Variants in KLF17 observed in about 807,000 individuals in gnomAD.
KLF17 encodes KLF transcription factor 17.
In KLF17, 31 loss-of-function variants were observed where a neutral mutation model predicts 34.2. The ratio of observed to expected loss-of-function variants is 0.91; its 90% CI spans 0.68 to 1.22. The LOEUF is 1.22. Among genes scored for constraint, KLF17 ranks in the 50% most tolerant of loss-of-function variants. The pLI is 0.00. For synonymous variants in KLF17, 179 were observed against 186.7 expected (o/e 0.96, Z 0.34); for missense variants, 478 against 505.2 (o/e 0.95, Z 0.52).
At position 44,118,969 on chromosome 1, in the gene KLF17, C is replaced by G; in HGVS notation, c.62C>G (p.Ala21Gly). The change falls in exon 1 of 4, where the codon GCG (alanine) becomes GGG (glycine). Residue 21 changes from alanine (A) to glycine (G), a missense_variant. Physicochemically the swap from Ala to Gly is moderately conservative, Grantham distance 60. Coordinates refer to ENST00000372299, the MANE Select transcript of KLF17 (RefSeq NM_173484.4). ...QEAGELSRWQ[A>G]AHQAAQDNEN... ...GCTGGGGAGCTGAGCCGGTGGCAGG[C>G]GGCGCACCAGGCTGCCCAGGTGAGT... 6.2e-7 allele frequency: 1 copy of G among 1,609,830 alleles called. No individual in the cohort carries two copies. The highest frequency in any genetic ancestry group is 1.1e-5 in the South Asian group (1 of 90,408).
the KLF17 span, among the ~76,000 whole-genome samples, chr1:44,077,863 G>T: frequency 1.3e-5 from 2 of 152,222 alleles, no homozygotes; most frequent in African/African-American, 4.8e-5. Context: ...AAGGTGAGCA[G>T]ATATAGGTCT....
At chr1:44,100,605 C>T in the KLF17 span, among the ~76,000 whole-genome samples, 1 of 151,980 alleles carries the variant, frequency 6.6e-6, no homozygotes, top group East Asian at 1.9e-4. Flanking sequence ...GTGTGAGCCA[C>T]CGCACTTGGC....
chr1:44,099,909 GAAAGAAA>G, the KLF17 span, among the ~76,000 whole-genome samples: 2 of 54,098 alleles, frequency 3.7e-5, 1 homozygote, highest in Non-Finnish European at 7.9e-5. Context: ...AAGAAAGAAA[GAAAGAAA>G]GAAAAGAAAG....
chr1:44,063,579 T>G, the KLF17 span, among the ~76,000 whole-genome samples: 73 of 152,324 alleles, frequency 4.8e-4, no homozygotes, highest in Non-Finnish European at 9.9e-4. Flanking sequence ...ATCATTAGAT[T>G]TGGGCAGCTG....
chr1:44,122,608 T>G, intron 1 of KLF17: 1 of 693,228 alleles, frequency 1.4e-6, no homozygotes, highest in Non-Finnish European at 2.6e-6. Context: ...TTTGGTTTTT[T>G]TTTTGAGATA....
the KLF17 span, among the ~76,000 whole-genome samples, chr1:44,096,527 C>T: frequency 0.32 from 48,830 of 150,630 alleles, 8,054 homozygotes; most frequent in South Asian, 0.38. Flanking sequence ...GCCTCCAGAA[C>T]AGCTGGGACT....
At chr1:44,093,433 C>A in the KLF17 span, among the ~76,000 whole-genome samples, 1 of 152,124 alleles carries the variant, frequency 6.6e-6, no homozygotes, top group African/African-American at 2.4e-5. Flanking sequence ...TCACTCTTGT[C>A]CCCCAAGCTG....
At chr1:44,119,072 G>A (rs2087914681) in intron 1 of KLF17, 84 bp downstream of exon 1, 1 of 1,026,370 alleles carries the variant, frequency 9.7e-7, no homozygotes, top group South Asian at 1.7e-5. Flanking sequence ...GGAGAGGTGA[G>A]GCGGAGGGAA....
At chr1:44,099,853 GAA>G in the KLF17 span, among the ~76,000 whole-genome samples, 1 of 39,946 alleles carries the variant, frequency 2.5e-5, no homozygotes, top group Non-Finnish European at 5.0e-5. Flanking sequence ...AAGAAAGAAA[GAA>G]AGAAAGAAAG....
chr1:44,087,769 T>TATACAC, the KLF17 span, among the ~76,000 whole-genome samples: 1 of 52,286 alleles, frequency 1.9e-5, no homozygotes, highest in Non-Finnish European at 3.9e-5. Context: ...TATATATATA[T>TATACAC]ACACACACAC....
chr1:44,132,056 C>T (rs925996385), intron 3 of KLF17, among the ~76,000 whole-genome samples: 2 of 151,760 alleles, frequency 1.3e-5, no homozygotes, highest in African/African-American at 4.8e-5. Context: ...CCTGTAATCC[C>T]AATACTTTGG....
intron 3 of KLF17, among the ~76,000 whole-genome samples, chr1:44,131,048 G>C (rs868032319): frequency 6.6e-6 from 1 of 152,148 alleles, no homozygotes; most frequent in Non-Finnish European, 1.5e-5. Flanking sequence ...GCCCACGCTG[G>C]CCTCCCAAAG....
the KLF17 span, among the ~76,000 whole-genome samples, chr1:44,048,962 A>G: frequency 6.6e-6 from 1 of 152,256 alleles, no homozygotes; most frequent in Non-Finnish European, 1.5e-5. Flanking sequence ...TTGTGTAAAC[A>G]TAACTGTCTT....
the KLF17 span, among the ~76,000 whole-genome samples, chr1:44,073,207 TTC>T: frequency 9.6e-4 from 99 of 103,342 alleles, 1 homozygote; most frequent in East Asian, 9.2e-3. Flanking sequence ...CTTCTTCTTC[TTC>T]TTTTTTTTTT....
chr1:44,079,165 C>T, the KLF17 span, among the ~76,000 whole-genome samples: 1 of 152,102 alleles, frequency 6.6e-6, no homozygotes, highest in Non-Finnish European at 1.5e-5. Context: ...TCCAAGCTTA[C>T]TCCTTTCCTT....
chr1:44,102,524 G>C, the KLF17 span, among the ~76,000 whole-genome samples: 1 of 148,278 alleles, frequency 6.7e-6, no homozygotes, highest in Admixed American at 6.8e-5. Context: ...TTGCACTCCA[G>C]CCTGGGCAAC....
At chr1:44,088,821 G>A in the KLF17 span, among the ~76,000 whole-genome samples, 1 of 152,116 alleles carries the variant, frequency 6.6e-6, no homozygotes, top group Non-Finnish European at 1.5e-5. Context: ...AGCGTTAGGT[G>A]TGAGCTGAAA....
chr1:44,129,480 C>T lies in KLF17; in HGVS notation c.209C>T (p.Ser70Phe), dbSNP rs1249941365. ...CCTCACAGCGCAGAGATGCTGGGGT[C>T]CCCTTTGGTGTCTGTTGAGGCGCCG... ...HFPHSAEMLG[S>F]PLVSVEAPGQ... Residue 70 changes from serine to phenylalanine, a missense_variant, in exon 2 of 4, where the codon TCC becomes TTC. Physicochemically the swap from Ser to Phe is radical, Grantham distance 155. Coordinates refer to ENST00000372299, the MANE Select transcript of KLF17 (RefSeq NM_173484.4). 6.2e-7 allele frequency: 1 copy of T among 1,611,708 alleles called. No individual in the cohort carries two copies. The highest frequency in any genetic ancestry group is 1.7e-5 in the Admixed American group (1 of 59,788).
chr1:44,102,897 AT>A, the KLF17 span, among the ~76,000 whole-genome samples: 1 of 152,128 alleles, frequency 6.6e-6, no homozygotes, highest in East Asian at 1.9e-4. Context: ...ATAATATAAT[AT>A]AATAAGCTTA....
Sources: gnomAD v4.1 joint callset for allele counts (sites outside exome capture counted in the v4.1 genomes callset) on GRCh38, gnomAD v4.1.1 for gene constraint, MANE v1.5 for transcripts, NCBI Gene and HGNC (gene_info 2026-07-23, HGNC 2026-07-21) for gene names.